DCDC1: variants seen among roughly 807,000 people sequenced by gnomAD.
DCDC1 encodes the protein doublecortin domain containing 1.
DCDC1 carries 200 observed loss-of-function variants against 178.3 expected under a neutral mutation model. The observed-to-expected ratio is 1.12, with a 90% CI of 1.00 to 1.26. The LOEUF is 1.26. DCDC1 is among the 50% of genes most tolerant of loss of function. DCDC1 has a pLI of 0.00. For synonymous variants in DCDC1, 690 were observed against 604.8 expected (o/e 1.14, Z -2.07); for missense variants, 1,983 against 1,749.2 (o/e 1.13, Z -2.38).
chr11:30,958,453 G>A lies in DCDC1; in HGVS notation c.2592-5885C>T, dbSNP rs1377506074. ...TTTATGGCAAAGGATGTGCAATAGT[G>A]AACCACAAGATTCACCTGTCTTACA... On this transcript the variant is annotated intron_variant, in intron 20 of 38. Transcript: ENST00000684477. Among the ~76,000 whole-genome samples the A allele has an allele frequency of 2.6e-5, 4 of 152,118 alleles. No homozygotes were observed. In the East Asian group the frequency reaches 7.7e-4, roughly 29 times the overall value.
chr11:31,105,222 A>G (rs1958771613), intron 13 of DCDC1, among the ~76,000 whole-genome samples: 1 of 152,056 alleles, frequency 6.6e-6, no homozygotes, highest in Non-Finnish European at 1.5e-5. Context: ...TGTTAAAATC[A>G]CAATGAAATA....
intron 38 of DCDC1, among the ~76,000 whole-genome samples, chr11:30,874,050 C>G (rs1941892633): frequency 6.6e-6 from 1 of 152,168 alleles, no homozygotes; most frequent in African/African-American, 2.4e-5. Context: ...AAACATGAGG[C>G]TACTTAGACT....
chr11:31,103,808 T>C, intron 13 of DCDC1, 39 bp from the exon 14 acceptor site: 1 of 751,630 alleles, frequency 1.3e-6, no homozygotes, highest in East Asian at 2.4e-5. Context: ...TCTTCAAAAT[T>C]AGACATACAT....
Position 30,864,559 on chromosome 11 carries a change from G to A in DCDC1, c.*814C>T, listed in dbSNP as rs955523320. ...TTGTACTGTTGTAATTTTGGTTTGCGGCTCAGGCCAAGAGTAGAAGAACTG... is the reference window on the plus strand; with the variant it reads ...TTGTACTGTTGTAATTTTGGTTTGCAGCTCAGGCCAAGAGTAGAAGAACTG... On this transcript the variant is annotated 3_prime_UTR_variant, in exon 39 of 39. Coordinates refer to ENST00000684477, the MANE Select transcript of DCDC1 (RefSeq NM_001387274.1). The A allele has an allele frequency of 3.9e-5, 6 of 152,194 alleles. No homozygotes were observed. Among genetic ancestry groups the A allele is most frequent in the East Asian group, 1.9e-4 (1 of 5,182 alleles). 9.4% of individuals were successfully genotyped at this position (152,194 alleles called of 1,614,324 possible). A position where few individuals can be genotyped will look rare whatever the true frequency, so the allele number is the denominator to read the frequency against.
chr11:30,888,842 A>C (rs953873925), intron 36 of DCDC1, among the ~76,000 whole-genome samples: 1 of 152,238 alleles, frequency 6.6e-6, no homozygotes, highest in Non-Finnish European at 1.5e-5. Flanking sequence ...TGTTTTTGCA[A>C]TAACAAAGTT....
chr11:31,226,529 G>T (rs1305748204), intron 9 of DCDC1, among the ~76,000 whole-genome samples: 1 of 151,050 alleles, frequency 6.6e-6, no homozygotes, highest in Non-Finnish European at 1.5e-5. Context: ...ATTCTTAAAA[G>T]CAATAAAAGA....
intron 7 of DCDC1, among the ~76,000 whole-genome samples, chr11:31,282,304 A>G (rs2137293864): frequency 6.6e-6 from 1 of 152,020 alleles, no homozygotes; most frequent in South Asian, 2.1e-4. Context: ...TTGGTAATTT[A>G]TGTTGTATTA....
chr11:30,911,246 TCC>T, intron 28 of DCDC1, 79 bp downstream of exon 28: 1 of 1,123,658 alleles, frequency 8.9e-7, no homozygotes, highest in Non-Finnish European at 1.3e-6. Flanking sequence ...TTTTTTTTTT[TCC>T]TCCACTACAA....
At chr11:31,343,132 C>T (rs1052206839) in intron 1 of DCDC1, among the ~76,000 whole-genome samples, 3 of 152,032 alleles carry the variant, frequency 2.0e-5, no homozygotes, top group African/African-American at 7.2e-5. Flanking sequence ...ATTAGCCAGG[C>T]CGAGTGGTGC....
At chr11:31,361,524 C>G (rs1951708787) in intron 1 of DCDC1, among the ~76,000 whole-genome samples, 1 of 152,106 alleles carries the variant, frequency 6.6e-6, no homozygotes, top group African/African-American at 2.4e-5. Context: ...CCCTGTTGCC[C>G]AGGCTGGAGT....
In DCDC1 at chr11:31,196,434, G is replaced by C. The variant is rs140608580; in HGVS notation, c.1221+45016C>G. Reference sequence around the variant, plus strand: ...CGACCAATTCTGCCACCAATCACAAGTAGTGGTTCCCCAGGTTACCCACAC... The same window carrying C: ...CGACCAATTCTGCCACCAATCACAACTAGTGGTTCCCCAGGTTACCCACAC... On this transcript the variant is annotated intron_variant, in intron 9 of 38. Transcript: ENST00000684477. Among the ~76,000 whole-genome samples the C allele has an allele frequency of 6.2e-3, 936 of 152,068 alleles. 36 individuals are homozygous for C. Among genetic ancestry groups the C allele is most frequent in the Admixed American group, 0.047 (722 of 15,232 alleles).
intron 15 of DCDC1, among the ~76,000 whole-genome samples, chr11:31,101,302 A>G (rs905952908): frequency 1.7e-4 from 26 of 152,210 alleles, no homozygotes; most frequent in African/African-American, 5.1e-4. Flanking sequence ...CAGCTAAGAA[A>G]AACAAAATAA....
At chr11:31,226,432 A>C (rs1974956571) in intron 9 of DCDC1, among the ~76,000 whole-genome samples, 1 of 151,962 alleles carries the variant, frequency 6.6e-6, no homozygotes, top group South Asian at 2.1e-4. Flanking sequence ...CAAAAAATTC[A>C]ACAAACTGTA....
intron 6 of DCDC1, among the ~76,000 whole-genome samples, chr11:31,299,872 T>A (rs566831827): frequency 3.9e-5 from 6 of 152,320 alleles, no homozygotes; most frequent in Non-Finnish European, 7.4e-5. Context: ...TTATTTATTT[T>A]TTTTGAGACA....
chr11:31,221,878 T>G (rs1307855953), intron 9 of DCDC1, among the ~76,000 whole-genome samples: 1 of 152,116 alleles, frequency 6.6e-6, no homozygotes, highest in Non-Finnish European at 1.5e-5. Context: ...CCTTTCACAT[T>G]TTATTATAAG....
intron 9 of DCDC1, among the ~76,000 whole-genome samples, chr11:31,201,287 TAAATTA>T (rs1366696189): frequency 3.3e-4 from 50 of 151,918 alleles, no homozygotes; most frequent in Middle Eastern, 3.4e-3. Flanking sequence ...TTAATATCAT[TAAATTA>T]AAATTAACAT....
In DCDC1 at chr11:30,961,238, T is replaced by C. The variant is rs1413689019; in HGVS notation, c.2592-8670A>G. Among the ~76,000 whole-genome samples the C allele has an allele frequency of 2.0e-5, 3 of 152,142 alleles. No homozygotes were observed. In the South Asian group the frequency reaches 6.2e-4, roughly 31 times the overall value. On this transcript the variant is annotated intron_variant, in intron 20 of 38. Transcript: ENST00000684477. The stretch of plus-strand genomic sequence containing the variant: ...AACAAAAAGATACTATTTAGCACTC[T>C]TGGAAATCAACAGTAAAACAAAAAC...
chr11:31,350,823 T>C (rs1490918367), intron 1 of DCDC1, among the ~76,000 whole-genome samples: 12 of 152,118 alleles, frequency 7.9e-5, no homozygotes, highest in Admixed American at 7.9e-4. Context: ...GAAAATGATT[T>C]AAATAATTTA....
intron 9 of DCDC1, among the ~76,000 whole-genome samples, chr11:31,149,069 TA>T (rs1317132699): frequency 6.6e-6 from 1 of 152,242 alleles, no homozygotes; most frequent in African/African-American, 2.4e-5. Context: ...CAAAAGACAT[TA>T]TTTTATTCCT....
Sources: gnomAD v4.1 joint callset for allele counts (sites outside exome capture counted in the v4.1 genomes callset) on GRCh38, gnomAD v4.1.1 for gene constraint, MANE v1.5 for transcripts, NCBI Gene and HGNC (gene_info 2026-07-23, HGNC 2026-07-21) for gene names.